The following NASP variants were observed in gnomAD, a reference collection of about 807,000 sequenced individuals.
The protein encoded by NASP is NASP histone chaperone.
NASP carries 24 observed loss-of-function variants against 89.5 expected under a neutral mutation model. The observed-to-expected ratio is 0.27, with a 90% CI of 0.19 to 0.38. The LOEUF (loss-of-function observed/expected upper bound fraction) is 0.38, where lower values mean the gene tolerates loss of function less well. Ranked by LOEUF, NASP falls within the 10% of genes least tolerant of loss-of-function variation. NASP has a pLI of 1.00. For missense variants in NASP, 848 were observed against 921.4 expected, an observed-to-expected ratio of 0.92 and a Z score of 1.03; for synonymous variants, 306 against 324.7, an observed-to-expected ratio of 0.94 and a Z score of 0.62.
intron 1 of NASP, among the ~76,000 whole-genome samples, chr1:45,589,716 A>G (rs1001752125): frequency 3.3e-5 from 5 of 152,124 alleles, no homozygotes; most frequent in Admixed American, 1.3e-4. Context: ...ACTGGCTAAC[A>G]TGGTGAAACC....
At chr1:45,601,745 ATTTTTTTTT>A (rs71056316) in intron 2 of NASP, among the ~76,000 whole-genome samples, 12 of 68,936 alleles carry the variant, frequency 1.7e-4, no homozygotes, top group East Asian at 1.5e-3. Flanking sequence ...CGTTAAGAGA[ATTTTTTTTT>A]TTTTTTTTTT....
chr1:45,606,836 A>G (rs967098682), intron 5 of NASP, among the ~76,000 whole-genome samples: 1 of 152,238 alleles, frequency 6.6e-6, no homozygotes, highest in African/African-American at 2.4e-5. Flanking sequence ...TTTTAAATCA[A>G]AAAGATAAAA....
intron 1 of NASP, among the ~76,000 whole-genome samples, chr1:45,586,302 T>TG (rs1311907876): frequency 6.8e-4 from 84 of 123,632 alleles, no homozygotes; most frequent in African/African-American, 2.7e-3. Flanking sequence ...TGTGTGTGTG[T>TG]GTGTGTGGTG....
At chr1:45,584,348 CA>C in intron 1 of NASP, 143 bp downstream of exon 1, 1 of 732,578 alleles carries the variant, frequency 1.4e-6, no homozygotes, top group Non-Finnish European at 2.2e-6. Flanking sequence ...AAGGCCTGGT[CA>C]CTGGAGCAGT....
chr1:45,606,336 T>C, intron 4 of NASP, 146 bp from the exon 5 acceptor site: 2 of 585,678 alleles, frequency 3.4e-6, no homozygotes, highest in Non-Finnish European at 6.1e-6. Flanking sequence ...GTTTTGATCA[T>C]TGCTTCCTTG....
chr1:45,591,293 T>C (rs762065817), intron 2 of NASP, 23 bp downstream of exon 2: 1 of 1,423,396 alleles, frequency 7.0e-7, no homozygotes, highest in Non-Finnish European at 9.6e-7. Flanking sequence ...ACATGGTAGT[T>C]AGATTCGTAT....
Position 45,618,089 on chromosome 1 carries a change from C to T in NASP, c.2315C>T (p.Ala772Val). Residue 772 changes from alanine (A) to valine (V), a missense_variant, in exon 15 of 15, where the codon GCA becomes GTA. Around this residue, in one of 5 missense-constraint regions of NASP, gnomAD observed 218 missense variants for 219.6 expected, o/e 0.99. Coordinates refer to ENST00000350030, the MANE Select transcript of NASP (RefSeq NM_002482.4). ...EAENQAESRA[A>V]VEGTVEAGAT... ...GAGAATCAGGCTGAAAGCCGGGCAGCAGTGGAGGGGACAGTGGAGGCTGGA... is the reference window on the plus strand; with the variant it reads ...GAGAATCAGGCTGAAAGCCGGGCAGTAGTGGAGGGGACAGTGGAGGCTGGA... The T allele has an allele frequency of 6.2e-7, 1 of 1,603,690 alleles. No homozygotes were observed. Among genetic ancestry groups the T allele is most frequent in the Non-Finnish European group, 8.5e-7 (1 of 1,174,970 alleles).
chr1:45,586,284 G>GTGTGTGTGTGTGTGGTGT (rs1202771599), intron 1 of NASP, among the ~76,000 whole-genome samples: 1 of 100,474 alleles, frequency 1.0e-5, no homozygotes, highest in South Asian at 3.2e-4. Context: ...GTGTGTGTGT[G>GTGTGTGTGTGTGTGGTGT]GTGTGTGTGT....
At chr1:45,603,177 C>G (rs1156514533) in intron 3 of NASP, among the ~76,000 whole-genome samples, 1 of 151,976 alleles carries the variant, frequency 6.6e-6, no homozygotes, top group African/African-American at 2.4e-5. Flanking sequence ...ATTTATTTTC[C>G]CCAAAGACTT....
chr1:45,588,117 G>A (rs931431514), intron 1 of NASP, among the ~76,000 whole-genome samples: 1 of 151,976 alleles, frequency 6.6e-6, no homozygotes, highest in Non-Finnish European at 1.5e-5. Context: ...GCGCATGACT[G>A]TAGTCATTCA....
At chr1:45,601,851 T>C (rs1285477423) in intron 2 of NASP, among the ~76,000 whole-genome samples, 1 of 136,528 alleles carries the variant, frequency 7.3e-6, no homozygotes, top group Non-Finnish European at 1.5e-5. Context: ...GCCTCCTGGG[T>C]TCATGCCATT....
chr1:45,596,308 G>A (rs1643693169), intron 2 of NASP, among the ~76,000 whole-genome samples: 1 of 152,030 alleles, frequency 6.6e-6, no homozygotes, highest in Non-Finnish European at 1.5e-5. Context: ...AATTCACATT[G>A]TCGTATACCC....
intron 2 of NASP, chr1:45,594,574 G>T: frequency 2.7e-6 from 1 of 364,724 alleles, no homozygotes; most frequent in Non-Finnish European, 5.7e-6. Flanking sequence ...GAGCGATCGT[G>T]GCTCACTGCA....
intron 1 of NASP, among the ~76,000 whole-genome samples, chr1:45,586,239 C>CGCGTGTGTGTGTGTGTGTGT (rs1644532749): frequency 9.1e-6 from 1 of 110,232 alleles, no homozygotes; most frequent in African/African-American, 3.9e-5. Flanking sequence ...CCTACCGTGC[C>CGCGTGTGTGTGTGTGTGTGT]GTGTGTGTGT....
intron 6 of NASP, chr1:45,610,512 C>G (rs1196208499): frequency 6.6e-6 from 1 of 152,162 alleles, no homozygotes; most frequent in African/African-American, 2.4e-5. Context: ...GTTTTTTTCA[C>G]TTAAAAATTA....
At chr1:45,604,526 T>A (rs1462182797) in intron 3 of NASP, among the ~76,000 whole-genome samples, 1 of 152,200 alleles carries the variant, frequency 6.6e-6, no homozygotes, top group Non-Finnish European at 1.5e-5. Context: ...AGGATTTGAA[T>A]CCAGTTAGAA....
intron 6 of NASP, chr1:45,612,448 CAGT>C (rs1644031664): frequency 1.3e-5 from 2 of 152,288 alleles, no homozygotes; most frequent in East Asian, 3.9e-4. Flanking sequence ...TGTCTAATCA[CAGT>C]AGCGCTATTG....
At chr1:45,594,296 T>A (rs1231516689) in intron 2 of NASP, among the ~76,000 whole-genome samples, 1 of 151,118 alleles carries the variant, frequency 6.6e-6, no homozygotes, top group Non-Finnish European at 1.5e-5. Flanking sequence ...GCTACTGCAC[T>A]CCATCCTGGG....
intron 2 of NASP, chr1:45,594,759 G>T (rs1643646922): frequency 2.2e-6 from 1 of 454,928 alleles, no homozygotes; most frequent in African/African-American, 2.0e-5. Context: ...GCCACCTGAA[G>T]TGCTGGGATT....
Sources: allele counts gnomAD v4.1 joint callset (sites outside exome capture counted in the v4.1 genomes callset), GRCh38; gene constraint gnomAD v4.1.1; regional missense constraint gnomAD v4.1.1; transcripts MANE v1.5; gene names NCBI Gene and HGNC (gene_info 2026-07-23, HGNC 2026-07-21).